The following WDR27 variants were observed in gnomAD, a reference collection of about 807,000 sequenced individuals.
WDR27 encodes WD repeat domain 27.
Under a neutral mutation model 114.4 loss-of-function variants are expected in WDR27, and 100 were observed. That is an observed-to-expected ratio of 0.87 (90% confidence interval 0.74 to 1.03). The LOEUF (loss-of-function observed/expected upper bound fraction) is 1.03, where lower values mean the gene tolerates loss of function less well. WDR27 is among the 50% of genes least tolerant of loss of function. The pLI is 0.00. For synonymous variants in WDR27, 449 were observed against 423.1 expected (o/e 1.06, Z -0.75); for missense variants, 1,129 against 1,092.9 (o/e 1.03, Z -0.47).
intron 23 of WDR27, among the ~76,000 whole-genome samples, chr6:169,583,502 TATGTATATATACAC>T (rs1330204716): frequency 0.18 from 12,366 of 67,090 alleles, 634 homozygotes; most frequent in Non-Finnish European, 0.27. Flanking sequence ...TATATATATA[TATGTATATATACAC>T]ACACACACAC....
intron 25 of WDR27, among the ~76,000 whole-genome samples, chr6:169,497,138 TA>T (rs1266852278): frequency 6.6e-6 from 1 of 152,078 alleles, no homozygotes; most frequent in Non-Finnish European, 1.5e-5. Flanking sequence ...AACCCTCACA[TA>T]TATGGTCAAG....
intron 23 of WDR27, among the ~76,000 whole-genome samples, chr6:169,598,628 G>A (rs1048182775): frequency 6.6e-6 from 1 of 152,214 alleles, no homozygotes; most frequent in Non-Finnish European, 1.5e-5. Context: ...GGGGAAACGA[G>A]AGATGTGCAG....
chr6:169,523,118 G>A (rs1244961570), intron 25 of WDR27, among the ~76,000 whole-genome samples: 1 of 151,466 alleles, frequency 6.6e-6, no homozygotes, highest in Non-Finnish European at 1.5e-5. Context: ...ATAACAACTG[G>A]GACCACAGAA....
At chr6:169,602,441 T>G in intron 22 of WDR27, 120 bp from the exon 23 acceptor site, 1 of 635,374 alleles carries the variant, frequency 1.6e-6, no homozygotes, top group Non-Finnish European at 2.8e-6. Flanking sequence ...AATGAAAGAA[T>G]ATTTTATATG....
At chr6:169,588,211 A>G (rs1002752439) in intron 23 of WDR27, among the ~76,000 whole-genome samples, 1 of 152,232 alleles carries the variant, frequency 6.6e-6, no homozygotes, top group Non-Finnish European at 1.5e-5. Flanking sequence ...TGAAATGAGG[A>G]CAGGAGTGCT....
chr6:169,590,204 G>A (rs1456404823), intron 23 of WDR27, among the ~76,000 whole-genome samples: 2 of 152,090 alleles, frequency 1.3e-5, no homozygotes, highest in African/African-American at 4.8e-5. Context: ...AGTACCTAAC[G>A]TGACCTTCAT....
Position 169,665,518 on chromosome 6 carries a change from T to C in WDR27, c.751A>G (p.Arg251Gly). 1 of 1,613,824 alleles carries C rather than the reference T, an allele frequency of 6.2e-7. No individual in the cohort carries two copies. The highest frequency in any genetic ancestry group is 8.5e-7 in the Non-Finnish European group (1 of 1,179,774). Residue 251 changes from arginine (R) to glycine (G), a missense_variant, in exon 7 of 26, where the codon AGG (arginine) becomes GGG (glycine). Physicochemically the swap from Arg to Gly is moderately radical, Grantham distance 125. Transcript: ENST00000448612. The part of the protein sequence containing the change: ...LLSLFIDAES[R>G]QLVTGCADGQ... Reference sequence around the variant, plus strand: ...TCAGCACACCCGGTGACCAGCTGCCTGCTTTCTGCATCAATGAATAAACTG... The same window carrying C: ...TCAGCACACCCGGTGACCAGCTGCCCGCTTTCTGCATCAATGAATAAACTG...
At chr6:169,687,809 G>A (rs1371313623) in intron 2 of WDR27, among the ~76,000 whole-genome samples, 1 of 152,076 alleles carries the variant, frequency 6.6e-6, no homozygotes, top group East Asian at 1.9e-4. Context: ...TTCATATCCT[G>A]AAAATTCTAT....
intron 2 of WDR27, among the ~76,000 whole-genome samples, chr6:169,672,756 G>C (rs1455795218): frequency 6.6e-6 from 1 of 152,180 alleles, no homozygotes; most frequent in African/African-American, 2.4e-5. Flanking sequence ...GGAGCAATGA[G>C]GTCCCTGGGA....
At chr6:169,535,807 C>G (rs1402472131) in intron 25 of WDR27, among the ~76,000 whole-genome samples, 1 of 152,176 alleles carries the variant, frequency 6.6e-6, no homozygotes, top group African/African-American at 2.4e-5. Context: ...AGGTTTCTCA[C>G]CAGATCTGTA....
Position 169,660,763 on chromosome 6 carries a change from A to G in WDR27, c.1029T>C (p.Leu343=). 6.2e-7 allele frequency: 1 copy of G among 1,613,272 alleles called. No homozygotes were observed. The highest frequency in any genetic ancestry group is 8.5e-7 in the Non-Finnish European group (1 of 1,179,640). The change falls in exon 10 of 26, where the codon CTT becomes CTC. Residue 343 remains leucine, a synonymous_variant. Transcript: ENST00000448612. ...ACACACATCGGGTGTTCTCAGAAGA[A>G]AGACTGATTTAAGGAAAAAAAGAAA... is the stretch of plus-strand genomic sequence containing the variant. ...SLIPNSACGC[L]SSENTRCVWI...
At chr6:169,621,091 A>C (rs1813016836) in intron 21 of WDR27, among the ~76,000 whole-genome samples, 1 of 152,234 alleles carries the variant, frequency 6.6e-6, no homozygotes, top group African/African-American at 2.4e-5. Context: ...AGCAGCAGCT[A>C]ATAGATATTT....
At chr6:169,461,261 G>A (rs1784874469) in intron 25 of WDR27, among the ~76,000 whole-genome samples, 1 of 152,064 alleles carries the variant, frequency 6.6e-6, no homozygotes, top group Admixed American at 6.6e-5. Flanking sequence ...TACACAACAT[G>A]ATAAACCAAG....
intron 7 of WDR27, chr6:169,664,516 C>T: frequency 7.2e-7 from 1 of 1,392,680 alleles, no homozygotes; most frequent in East Asian, 2.8e-5. Flanking sequence ...CAGCTCAGGG[C>T]ACATGGGCAG....
intron 14 of WDR27, among the ~76,000 whole-genome samples, chr6:169,651,454 G>C (rs146435035): frequency 6.6e-6 from 1 of 152,100 alleles, no homozygotes; most frequent in African/African-American, 2.4e-5. Context: ...GCCTCCTCAT[G>C]GTTTCTCAGC....
chr6:169,681,823 G>C (rs1313472465), intron 2 of WDR27, among the ~76,000 whole-genome samples: 3 of 152,120 alleles, frequency 2.0e-5, no homozygotes, highest in African/African-American at 7.2e-5. Flanking sequence ...CAGATCCTGA[G>C]GGTACCCAAT....
intron 25 of WDR27, among the ~76,000 whole-genome samples, chr6:169,553,062 G>GTGTC (rs1798407303): frequency 1.4e-5 from 2 of 143,838 alleles, no homozygotes; most frequent in African/African-American, 5.1e-5. Context: ...GAGGGCCTGT[G>GTGTC]TGTGTGTGTG....
the WDR27 span, among the ~76,000 whole-genome samples, chr6:169,447,643 C>T: frequency 6.6e-6 from 1 of 152,240 alleles, no homozygotes; most frequent in Non-Finnish European, 1.5e-5. Context: ...CACACCTCCT[C>T]TGACTTCATC....
intron 25 of WDR27, among the ~76,000 whole-genome samples, chr6:169,496,430 T>C (rs1790412982): frequency 6.6e-6 from 1 of 152,010 alleles, no homozygotes; most frequent in African/African-American, 2.4e-5. Context: ...TTCAACACAG[T>C]CTAAAAGTTC....
Sources: allele counts gnomAD v4.1 joint callset (sites outside exome capture counted in the v4.1 genomes callset), GRCh38; gene constraint gnomAD v4.1.1; transcripts MANE v1.5; gene names NCBI Gene and HGNC (gene_info 2026-07-23, HGNC 2026-07-21).